Variants in GGA3 observed in about 807,000 individuals in gnomAD.
The protein encoded by GGA3 is ADP-ribosylation factor-binding protein GGA3.
Under a neutral mutation model 77.5 loss-of-function variants are expected in GGA3, and 57 were observed. That is an observed-to-expected ratio of 0.74 (90% CI 0.59 to 0.92). The LOEUF (loss-of-function observed/expected upper bound fraction) is 0.92, where lower values mean the gene tolerates loss of function less well. GGA3 is among the 40% of genes least tolerant of loss of function. GGA3 has a pLI of 0.00. For synonymous variants in GGA3, 416 were observed against 383.7 expected, an observed-to-expected ratio of 1.08 and a Z score of -0.98; for missense variants, 970 against 914.9, an observed-to-expected ratio of 1.06 and a Z score of -0.78.
chr17:75,259,514 C>G (rs182859702), intron 1 of GGA3, among the ~76,000 whole-genome samples: 4 of 152,114 alleles, frequency 2.6e-5, no homozygotes, highest in Admixed American at 2.6e-4. Flanking sequence ...CTGAGTAGAG[C>G]AGGAAAACGT....
At chr17:75,252,239 T>C (rs896253455) in intron 1 of GGA3, among the ~76,000 whole-genome samples, 1 of 151,666 alleles carries the variant, frequency 6.6e-6, no homozygotes, top group Non-Finnish European at 1.5e-5. Flanking sequence ...GTGCTTGTTC[T>C]TTTTTTAGAG....
chr17:75,255,012 C>T (rs1180167292), intron 1 of GGA3, among the ~76,000 whole-genome samples: 1 of 152,216 alleles, frequency 6.6e-6, no homozygotes, highest in Admixed American at 6.5e-5. Flanking sequence ...TCTCTGACTC[C>T]TTCCCAGATC....
chr17:75,239,628 C>G (rs2076458846), intron 13 of GGA3, 57 bp from the exon 14 acceptor site: 1 of 1,477,682 alleles, frequency 6.8e-7, no homozygotes, highest in African/African-American at 1.4e-5. Flanking sequence ...CTGCAGGACT[C>G]TCACCCAAGG....
chr17:75,237,645 C>G lies in GGA3; in HGVS notation c.*634G>C, dbSNP rs1172994894. The G allele has an allele frequency of 3.3e-6, 5 of 1,502,974 alleles. No homozygotes were observed. Among genetic ancestry groups the G allele is most frequent in the Middle Eastern group, 1.7e-4 (1 of 5,788 alleles). The allele number at this position is 1,502,974 out of a possible 1,614,324, so 93.1% of individuals were successfully genotyped here. A position where few individuals can be genotyped will look rare whatever the true frequency, so the allele number is the denominator to read the frequency against. ...GATGTCCATAGGACACAGCCTGCCACTGCCAGGGACAAGCACACAACTCAT... is the reference window on the plus strand; with the variant it reads ...GATGTCCATAGGACACAGCCTGCCAGTGCCAGGGACAAGCACACAACTCAT... On this transcript the variant is annotated 3_prime_UTR_variant, in exon 17 of 17. Transcript: ENST00000537686.
At chr17:75,257,608 AC>A (rs199749801) in intron 1 of GGA3, among the ~76,000 whole-genome samples, 2,281 of 152,186 alleles carry the variant, frequency 0.015, 57 homozygotes, top group African/African-American at 0.052. Context: ...TTCAATTCAT[AC>A]AAAACCATAT....
chr17:75,238,177 C>T lies in GGA3; in HGVS notation c.*102G>A. ...GGGCCCCTGTTCCACATCAAAGCTA[C>T]AAGCACTGTTGTCAGGGCATGGAGA... On this transcript the variant is annotated 3_prime_UTR_variant, in exon 17 of 17. Transcript: ENST00000537686. 27 of 1,518,808 alleles carry T rather than the reference C, an allele frequency of 1.8e-5. 1 individual carries two copies. The highest frequency in any genetic ancestry group is 2.2e-5 in the Non-Finnish European group (25 of 1,134,024). The allele number at this position is 1,518,808 out of a possible 1,614,324, so 94.1% of individuals were successfully genotyped here. A position where few individuals can be genotyped will look rare whatever the true frequency, so the allele number is the denominator to read the frequency against.
intron 4 of GGA3, 196 bp downstream of exon 4, chr17:75,244,423 C>A: frequency 1.8e-6 from 1 of 555,718 alleles, no homozygotes; most frequent in Non-Finnish European, 3.3e-6. Context: ...GGGCTGAGGG[C>A]GCTTCAGAAA....
intron 10 of GGA3, 86 bp downstream of exon 10, chr17:75,241,314 C>T (rs1567782903): frequency 1.3e-5 from 12 of 905,688 alleles, no homozygotes; most frequent in African/African-American, 3.3e-5. Flanking sequence ...AACACCACCA[C>T]GCTGGCCAGC....
chr17:75,252,071 C>T (rs1221133456), intron 1 of GGA3, among the ~76,000 whole-genome samples: 4 of 141,672 alleles, frequency 2.8e-5, no homozygotes, highest in Non-Finnish European at 5.9e-5. Context: ...TGGCGTCTTT[C>T]GTTTTTTTTT....
At chr17:75,253,398 G>A (rs1283010972) in intron 1 of GGA3, among the ~76,000 whole-genome samples, 2 of 152,226 alleles carry the variant, frequency 1.3e-5, no homozygotes, top group African/African-American at 4.8e-5. Flanking sequence ...TTTCCTTGGT[G>A]TTTAATCATT....
upstream of GGA3, chr17:75,262,172 G>C: frequency 1.4e-6 from 1 of 717,840 alleles, no homozygotes; most frequent in Non-Finnish European, 2.3e-6. Flanking sequence ...AAGGAGTCTG[G>C]CTGATCTAGG....
chr17:75,256,405 G>C (rs1225840013), intron 1 of GGA3, among the ~76,000 whole-genome samples: 1 of 151,860 alleles, frequency 6.6e-6, no homozygotes, highest in African/African-American at 2.4e-5. Flanking sequence ...CACTGTTCCT[G>C]GCCCGGACCT....
intron 1 of GGA3, among the ~76,000 whole-genome samples, chr17:75,247,017 CAAAT>C: frequency 6.6e-6 from 1 of 151,210 alleles, no homozygotes; most frequent in East Asian, 1.9e-4. Flanking sequence ...TTGAAAGTCA[CAAAT>C]AAAAGAGAAA....
At chr17:75,241,853 G>GCCA in intron 8 of GGA3, 157 bp from the exon 9 acceptor site, 1 of 680,496 alleles carries the variant, frequency 1.5e-6, no homozygotes, top group Non-Finnish European at 2.6e-6. Flanking sequence ...CTTGCCACCA[G>GCCA]CCACCACCAC....
In GGA3 at chr17:75,237,285, G is replaced by A. The variant is rs145627084; in HGVS notation, c.*994C>T. 120 of 616,612 alleles carry A rather than the reference G, an allele frequency of 1.9e-4. 3 individuals carry two copies. In the African/African-American group the frequency reaches 2.0e-3, roughly 10 times the overall value. 38.2% of individuals were successfully genotyped at this position (616,612 alleles called of 1,614,324 possible). On this transcript the variant is annotated 3_prime_UTR_variant, in exon 17 of 17. Coordinates refer to ENST00000537686, the MANE Select transcript of GGA3 (RefSeq NM_138619.4). ...AGCTGGGGAACAGTTGAGGTTTCTG[G>A]GCAGCACATTAGGACATATGTCTAG...
chr17:75,249,554 A>C (rs2076888537), intron 1 of GGA3, among the ~76,000 whole-genome samples: 1 of 152,204 alleles, frequency 6.6e-6, no homozygotes, highest in South Asian at 2.1e-4. Flanking sequence ...CAATTGTCTG[A>C]AATTTCCTCA....
chr17:75,258,446 G>A (rs181686987), intron 1 of GGA3, among the ~76,000 whole-genome samples: 31 of 152,244 alleles, frequency 2.0e-4, no homozygotes, highest in Non-Finnish European at 3.7e-4. Context: ...GAGGCAGGTG[G>A]CTCACTTGAG....
rs560932877 is a variant in GGA3 at position 75,248,973 on chromosome 17, C to T, written c.41-2177G>A. The T allele has an allele frequency of 1.7e-4, 163 of 985,296 alleles. 1 individual carries two copies. The African/African-American group carries it at 2.2e-3, about 14-fold the overall frequency. The allele number at this position is 985,296 out of a possible 1,614,324, so 61.0% of individuals were successfully genotyped here. A position where few individuals can be genotyped will look rare whatever the true frequency, so the allele number is the denominator to read the frequency against. On this transcript the variant is annotated intron_variant, in intron 1 of 16. Coordinates refer to ENST00000537686, the MANE Select transcript of GGA3 (RefSeq NM_138619.4). ...CAGTGTATCACCCTGCTTCCCAGGT[C>T]GGGGCTCGGCCTCCCCGGCAGTGTT...
chr17:75,238,710 C>T lies in GGA3; in HGVS notation c.2003G>A (p.Ser668Asn). 2 of 1,614,050 alleles carry T rather than the reference C, an allele frequency of 1.2e-6. No homozygotes were observed. Among genetic ancestry groups the T allele is most frequent in the African/African-American group, 1.3e-5 (1 of 75,046 alleles). Residue 668 changes from serine (S) to asparagine (N), a missense_variant, in exon 16 of 17, where the codon AGC (serine) becomes AAC (asparagine). Physicochemically the swap from Ser to Asn is conservative, Grantham distance 46. Coordinates refer to ENST00000537686, the MANE Select transcript of GGA3 (RefSeq NM_138619.4). ...PPSGTELSPF[S>N]PIQPPAAITQ... ...GATGGCTGCAGGTGGCTGGATGGGG[C>T]TAAATGGAGAGAGTTCTGTCCCAGA... is the stretch of plus-strand genomic sequence containing the variant.
Sources: allele counts gnomAD v4.1 joint callset (sites outside exome capture counted in the v4.1 genomes callset), GRCh38; gene constraint gnomAD v4.1.1; transcripts MANE v1.5; gene names NCBI Gene and HGNC (gene_info 2026-07-23, HGNC 2026-07-21).